The following FNDC3B variants were observed in gnomAD, a reference collection of about 807,000 sequenced individuals.
The protein encoded by FNDC3B is fibronectin type III domain containing 3B.
FNDC3B carries 12 observed loss-of-function variants against 151.5 expected under a neutral mutation model. That is an observed-to-expected ratio of 0.08 (90% confidence interval 0.05 to 0.13). The LOEUF (loss-of-function observed/expected upper bound fraction) is 0.13. Among genes scored for constraint, FNDC3B ranks in the 10% least tolerant of loss-of-function variants. FNDC3B has a pLI of 1.00. For missense variants in FNDC3B, 1,214 were observed against 1,505.3 expected, an observed-to-expected ratio of 0.81 and a Z score of 3.20; for synonymous variants, 528 against 549.0, an observed-to-expected ratio of 0.96 and a Z score of 0.54.
intron 5 of FNDC3B, among the ~76,000 whole-genome samples, chr3:172,250,188 G>T (rs1727996979): frequency 6.6e-6 from 1 of 152,112 alleles, no homozygotes. Flanking sequence ...AAGATTGCTT[G>T]CAGGCTTCTA....
In FNDC3B at chr3:172,400,297, A is replaced by G. The variant is rs1325359378; in HGVS notation, c.*2822A>G. On this transcript the variant is annotated 3_prime_UTR_variant, in exon 26 of 26. Coordinates refer to ENST00000415807, the MANE Select transcript of FNDC3B (RefSeq NM_022763.4). ...TTGAAAAAGAAAACTTTTTAAAGAG[A>G]TTTTTTGCATATTCTCTGCCTTGTT... is the stretch of plus-strand genomic sequence containing the variant. The G allele has an allele frequency of 1.3e-5, 2 of 152,544 alleles. No homozygotes were observed. Among genetic ancestry groups the G allele is most frequent in the African/African-American group, 4.8e-5 (2 of 41,420 alleles). The allele number at this position is 152,544 out of a possible 1,614,324, so 9.4% of individuals were successfully genotyped here.
chr3:172,325,707 G>A (rs991426254), intron 11 of FNDC3B, among the ~76,000 whole-genome samples: 8 of 151,890 alleles, frequency 5.3e-5, no homozygotes, highest in African/African-American at 9.7e-5. Context: ...CGCTGGCATC[G>A]GATCACTGGA....
At chr3:172,249,187 G>A (rs1727939116) in intron 5 of FNDC3B, among the ~76,000 whole-genome samples, 1 of 152,080 alleles carries the variant, frequency 6.6e-6, no homozygotes, top group Non-Finnish European at 1.5e-5. Flanking sequence ...CTGTATCTGA[G>A]CTCTGATGAC....
intron 3 of FNDC3B, among the ~76,000 whole-genome samples, chr3:172,181,395 C>CAAAAAAAAAAAAAAAAAAAAAAAAA (rs755223783): frequency 7.0e-5 from 5 of 71,532 alleles, no homozygotes; most frequent in African/African-American, 3.1e-4. Context: ...ACTCTGTCTC[C>CAAAAAAAAAAAAAAAAAAAAAAAAA]AAAAAAAAAA....
chr3:172,261,851 T>C (rs146591281), intron 6 of FNDC3B, among the ~76,000 whole-genome samples: 9 of 152,312 alleles, frequency 5.9e-5, no homozygotes, highest in Non-Finnish European at 1.2e-4. Context: ...CCCCTTGCCA[T>C]TCCCTTCCCC....
At chr3:172,281,976 C>A (rs1317498847) in intron 6 of FNDC3B, among the ~76,000 whole-genome samples, 1 of 152,084 alleles carries the variant, frequency 6.6e-6, no homozygotes, top group East Asian at 1.9e-4. Flanking sequence ...GACATACACT[C>A]TTTGTACAGC....
chr3:172,098,146 G>A (rs1335402937), intron 1 of FNDC3B, among the ~76,000 whole-genome samples: 3 of 152,080 alleles, frequency 2.0e-5, no homozygotes, highest in Admixed American at 2.0e-4. Context: ...GTACAGGTTG[G>A]GAAGTTGGGG....
intron 3 of FNDC3B, among the ~76,000 whole-genome samples, chr3:172,213,315 T>C (rs1015444035): frequency 5.3e-5 from 8 of 152,198 alleles, no homozygotes; most frequent in African/African-American, 1.9e-4. Flanking sequence ...GTGCGTCTCA[T>C]TGGACCTCAG....
chr3:172,251,563 A>G (rs763465714), intron 6 of FNDC3B, 22 bp downstream of exon 6: 5 of 1,582,036 alleles, frequency 3.2e-6, no homozygotes, highest in Non-Finnish European at 4.3e-6. Context: ...GATGTTTGCC[A>G]TAGAGTGAAT....
chr3:172,201,922 GTGTGCTCTTT>G (rs1403874265), intron 3 of FNDC3B, among the ~76,000 whole-genome samples: 2 of 152,170 alleles, frequency 1.3e-5, no homozygotes, highest in Non-Finnish European at 1.5e-5. Context: ...CTTTATCTGG[GTGTGCTCTTT>G]TATCTGGCAG....
chr3:172,097,291 A>G (rs961367325), intron 1 of FNDC3B, among the ~76,000 whole-genome samples: 1 of 152,228 alleles, frequency 6.6e-6, no homozygotes, highest in Non-Finnish European at 1.5e-5. Flanking sequence ...CTCAGCAAAC[A>G]TGACCTTAGG....
rs181603118 is a variant in FNDC3B at position 172,216,061 on chromosome 3, G to T, written c.188-10810G>T. ...GTGTGAGAAAGTCCGAGGGCGTCTC[G>T]GATGCCCTTCATGTGCCAAAGAGAG... On this transcript the variant is annotated intron_variant, in intron 3 of 25. Coordinates refer to ENST00000415807, the MANE Select transcript of FNDC3B (RefSeq NM_022763.4). 2.0e-5 allele frequency among the ~76,000 whole-genome samples: 3 copies of T among 152,150 alleles called. No individual in the cohort carries two copies. The East Asian group carries it at 5.8e-4, about 29-fold the overall frequency.
In FNDC3B at chr3:172,398,493, C is replaced by G. The variant is rs1736401589; in HGVS notation, c.*1018C>G. 6.6e-6 allele frequency: 1 copy of G among 152,168 alleles called. No homozygotes were observed. Among genetic ancestry groups the G allele is most frequent in the African/African-American group, 2.4e-5 (1 of 41,408 alleles). The allele number at this position is 152,168 out of a possible 1,614,324, so 9.4% of individuals were successfully genotyped here. A position where few individuals can be genotyped will look rare whatever the true frequency, so the allele number is the denominator to read the frequency against. ...CAATGAAGTGATTGAATTTCAATAC[C>G]TTAATTCAGTGCACATAATACTAAT... On this transcript the variant is annotated 3_prime_UTR_variant, in exon 26 of 26. Transcript: ENST00000415807.
intron 3 of FNDC3B, among the ~76,000 whole-genome samples, chr3:172,207,153 G>A (rs1252078686): frequency 6.6e-6 from 1 of 152,098 alleles, no homozygotes; most frequent in Non-Finnish European, 1.5e-5. Flanking sequence ...TTATCTGCTA[G>A]TCAGTAATTT....
chr3:172,086,163 C>T (rs978055550), intron 1 of FNDC3B, among the ~76,000 whole-genome samples: 3 of 152,064 alleles, frequency 2.0e-5, no homozygotes, highest in African/African-American at 4.8e-5. Context: ...AAGTTTGAGA[C>T]TGGCCTGGGC....
At chr3:172,264,831 G>T (rs1415806237) in intron 6 of FNDC3B, among the ~76,000 whole-genome samples, 1 of 152,162 alleles carries the variant, frequency 6.6e-6, no homozygotes, top group East Asian at 1.9e-4. Context: ...AGCTCATTGA[G>T]TGCATCCAAG....
At chr3:172,167,834 A>G (rs1472260619) in intron 3 of FNDC3B, among the ~76,000 whole-genome samples, 1 of 152,214 alleles carries the variant, frequency 6.6e-6, no homozygotes, top group Non-Finnish European at 1.5e-5. Context: ...ACTCCTTATA[A>G]GAATCTAATG....
intron 25 of FNDC3B, among the ~76,000 whole-genome samples, chr3:172,386,690 G>T (rs962935934): frequency 6.8e-6 from 1 of 147,834 alleles, no homozygotes; most frequent in African/African-American, 2.5e-5. Flanking sequence ...GCAGTGAGCC[G>T]AGATCGTGCC....
intron 11 of FNDC3B, among the ~76,000 whole-genome samples, chr3:172,314,629 A>T (rs1731687004): frequency 6.6e-6 from 1 of 152,184 alleles, no homozygotes; most frequent in Non-Finnish European, 1.5e-5. Context: ...AAAATTTTGA[A>T]AGTGTTGGTT....
Sources: gnomAD v4.1 joint callset for allele counts (sites outside exome capture counted in the v4.1 genomes callset) on GRCh38, gnomAD v4.1.1 for gene constraint, MANE v1.5 for transcripts, NCBI Gene and HGNC (gene_info 2026-07-23, HGNC 2026-07-21) for gene names.